RPS6KC1: variants seen among roughly 807,000 people sequenced by gnomAD.
The protein encoded by RPS6KC1 is inactive ribosomal protein S6 kinase delta-1.
Under a neutral mutation model 103.8 loss-of-function variants are expected in RPS6KC1, and 54 were observed. The observed-to-expected ratio is 0.52, with a 90% CI of 0.42 to 0.65. The LOEUF (loss-of-function observed/expected upper bound fraction) is 0.65. Among genes scored for constraint, RPS6KC1 ranks in the 30% least tolerant of loss-of-function variants. The pLI, the probability that RPS6KC1 is intolerant of heterozygous loss-of-function variation, is 0.00. For missense variants in RPS6KC1, 1,151 were observed against 1,253.8 expected, an observed-to-expected ratio of 0.92 and a Z score of 1.24; for synonymous variants, 439 against 438.7, an observed-to-expected ratio of 1.00 and a Z score of -0.01.
At chr1:213,193,757 T>A (rs937430643) in intron 8 of RPS6KC1, among the ~76,000 whole-genome samples, 2 of 152,050 alleles carry the variant, frequency 1.3e-5, no homozygotes, top group Non-Finnish European at 2.9e-5. Context: ...GCCTCCTGAG[T>A]AGCTGGGACT....
chr1:213,254,208 G>A (rs995786437), intron 12 of RPS6KC1, among the ~76,000 whole-genome samples: 5 of 152,158 alleles, frequency 3.3e-5, no homozygotes, highest in African/African-American at 1.2e-4. Flanking sequence ...CTATATTGTA[G>A]TTAGAATATC....
chr1:213,605,580 A>C, the RPS6KC1 span, among the ~76,000 whole-genome samples: 1 of 152,168 alleles, frequency 6.6e-6, no homozygotes. Flanking sequence ...ACCATTATGC[A>C]CTATCTGTTT....
At chr1:213,659,039 A>T in the RPS6KC1 span, among the ~76,000 whole-genome samples, 3 of 151,834 alleles carry the variant, frequency 2.0e-5, no homozygotes, top group East Asian at 5.8e-4. Flanking sequence ...ATCTCAGCTC[A>T]CCGCAACCTC....
At chr1:213,327,583 G>A in the RPS6KC1 span, among the ~76,000 whole-genome samples, 11 of 152,088 alleles carry the variant, frequency 7.2e-5, no homozygotes, top group South Asian at 4.2e-4. Flanking sequence ...TTGTGTGTGC[G>A]TGCGTGTGTG....
At chr1:213,354,903 C>T in the RPS6KC1 span, among the ~76,000 whole-genome samples, 11 of 152,252 alleles carry the variant, frequency 7.2e-5, no homozygotes, top group South Asian at 2.1e-4. Context: ...ATATTCAAAC[C>T]GTAGCCAGCC....
At chr1:213,602,869 C>T in the RPS6KC1 span, among the ~76,000 whole-genome samples, 3 of 152,252 alleles carry the variant, frequency 2.0e-5, no homozygotes, top group East Asian at 3.9e-4. Flanking sequence ...AAGAGGTACC[C>T]TTTATATTTT....
chr1:213,365,112 C>T, the RPS6KC1 span, among the ~76,000 whole-genome samples: 5 of 152,210 alleles, frequency 3.3e-5, no homozygotes, highest in Admixed American at 1.3e-4. Context: ...GAAATCTTCT[C>T]GAATTTTCCT....
intron 2 of RPS6KC1, among the ~76,000 whole-genome samples, chr1:213,077,055 A>G (rs1327825170): frequency 2.0e-5 from 3 of 152,118 alleles, no homozygotes. Flanking sequence ...TTTTCAGTAG[A>G]GATGGGGTTT....
At chr1:213,728,018 G>C in the RPS6KC1 span, among the ~76,000 whole-genome samples, 2 of 152,172 alleles carry the variant, frequency 1.3e-5, no homozygotes, top group Non-Finnish European at 2.9e-5. Context: ...AGTCACAGGG[G>C]AGAAGAAGCC....
At chr1:213,500,870 T>C in the RPS6KC1 span, among the ~76,000 whole-genome samples, 4 of 152,126 alleles carry the variant, frequency 2.6e-5, no homozygotes, top group African/African-American at 4.8e-5. Context: ...AACAAACAAA[T>C]TATTTGCTTC....
chr1:213,329,726 T>C, the RPS6KC1 span, among the ~76,000 whole-genome samples: 44 of 152,300 alleles, frequency 2.9e-4, no homozygotes, highest in East Asian at 3.1e-3. Flanking sequence ...TAGATCTTTT[T>C]GTTTGTTTGT....
the RPS6KC1 span, among the ~76,000 whole-genome samples, chr1:213,476,826 A>T: frequency 6.6e-6 from 1 of 152,330 alleles, no homozygotes; most frequent in East Asian, 1.9e-4. Flanking sequence ...GGGAAATTTA[A>T]CCATCAGAGG....
At chr1:213,719,677 G>C in the RPS6KC1 span, among the ~76,000 whole-genome samples, 3 of 152,194 alleles carry the variant, frequency 2.0e-5, no homozygotes, top group Non-Finnish European at 4.4e-5. Flanking sequence ...GAAGGATGTG[G>C]TCTCTGTCCC....
intron 5 of RPS6KC1, among the ~76,000 whole-genome samples, chr1:213,121,274 T>C (rs1203194702): frequency 6.6e-6 from 1 of 152,194 alleles, no homozygotes; most frequent in African/African-American, 2.4e-5. Context: ...TAGCATGGGA[T>C]AGAGAAACCC....
At chr1:213,383,577 C>G in the RPS6KC1 span, among the ~76,000 whole-genome samples, 1 of 152,164 alleles carries the variant, frequency 6.6e-6, no homozygotes, top group Non-Finnish European at 1.5e-5. Context: ...TGTCCCCCAC[C>G]CCAAATTCAT....
chr1:213,218,282 A>C (rs983442333), intron 8 of RPS6KC1, among the ~76,000 whole-genome samples: 2 of 152,286 alleles, frequency 1.3e-5, no homozygotes, highest in Admixed American at 1.3e-4. Flanking sequence ...TGCTTCAAAG[A>C]GATTAAAATA....
the RPS6KC1 span, among the ~76,000 whole-genome samples, chr1:213,491,534 C>G: frequency 6.6e-6 from 1 of 151,140 alleles, no homozygotes; most frequent in Non-Finnish European, 1.5e-5. Context: ...GGCCACAGAT[C>G]AAGACTGTGC....
At chr1:213,668,894 G>T in the RPS6KC1 span, among the ~76,000 whole-genome samples, 1 of 152,172 alleles carries the variant, frequency 6.6e-6, no homozygotes, top group Admixed American at 6.5e-5. Flanking sequence ...ACCTCTGCTG[G>T]CTTCTAACTT....
the RPS6KC1 span, among the ~76,000 whole-genome samples, chr1:213,493,780 G>T: frequency 6.6e-6 from 1 of 152,222 alleles, no homozygotes; most frequent in Non-Finnish European, 1.5e-5. Context: ...CATTGTATTT[G>T]AAAGACCTCA....
Sources: allele counts gnomAD v4.1 joint callset (sites outside exome capture counted in the v4.1 genomes callset), GRCh38; gene constraint gnomAD v4.1.1; transcripts MANE v1.5; gene names NCBI Gene and HGNC (gene_info 2026-07-23, HGNC 2026-07-21).